Variants in SORCS1 observed in about 807,000 individuals in gnomAD.
SORCS1 encodes VPS10 domain-containing receptor SorCS1.
In SORCS1, 60 loss-of-function variants were observed where a neutral mutation model predicts 146.1. That is an observed-to-expected ratio of 0.41 (90% CI 0.33 to 0.51). SORCS1 has a LOEUF of 0.51. SORCS1 is among the 20% of genes least tolerant of loss of function. SORCS1 has a pLI of 0.21. For missense variants in SORCS1, 1,352 were observed against 1,487.6 expected (o/e 0.91, Z 1.50); for synonymous variants, 637 against 584.0 (o/e 1.09, Z -1.31).
chr10:106,614,302 C>A (rs184097691), intron 21 of SORCS1, among the ~76,000 whole-genome samples: 41 of 152,242 alleles, frequency 2.7e-4, no homozygotes, highest in East Asian at 5.8e-4. Flanking sequence ...AGGGTCCAAG[C>A]GACATTGGGG....
At chr10:106,718,042 G>A (rs1017195468) in intron 6 of SORCS1, among the ~76,000 whole-genome samples, 8 of 152,172 alleles carry the variant, frequency 5.3e-5, no homozygotes, top group Non-Finnish European at 1.2e-4. Flanking sequence ...CTTTCGTCAG[G>A]GATGGGGACA....
At chr10:106,711,107 G>A (rs899747068) in intron 6 of SORCS1, among the ~76,000 whole-genome samples, 1 of 151,898 alleles carries the variant, frequency 6.6e-6, no homozygotes, top group East Asian at 1.9e-4. Flanking sequence ...TTTTGTTTTT[G>A]TTGTTGTTGC....
At chr10:106,605,620 C>T (rs1226949594) in intron 23 of SORCS1, among the ~76,000 whole-genome samples, 1 of 152,122 alleles carries the variant, frequency 6.6e-6, no homozygotes, top group East Asian at 1.9e-4. Context: ...TTCTTTCTCC[C>T]ACCAAAATGC....
intron 3 of SORCS1, among the ~76,000 whole-genome samples, chr10:106,814,229 A>C (rs921302475): frequency 6.6e-6 from 1 of 152,238 alleles, no homozygotes; most frequent in Non-Finnish European, 1.5e-5. Context: ...TACATAAGGC[A>C]ACTTAAAAAT....
chr10:106,726,520 A>G (rs1056077556), intron 6 of SORCS1, among the ~76,000 whole-genome samples: 2 of 152,116 alleles, frequency 1.3e-5, no homozygotes, highest in Non-Finnish European at 2.9e-5. Context: ...GAAAATGTGC[A>G]GATCACAGAG....
intron 23 of SORCS1, among the ~76,000 whole-genome samples, chr10:106,601,439 T>G (rs1217773255): frequency 6.6e-6 from 1 of 152,208 alleles, no homozygotes; most frequent in East Asian, 1.9e-4. Flanking sequence ...TGCCTATTAT[T>G]CAAGTGCAAC....
intron 6 of SORCS1, among the ~76,000 whole-genome samples, chr10:106,724,696 A>G (rs1856024343): frequency 6.6e-6 from 1 of 152,226 alleles, no homozygotes; most frequent in Non-Finnish European, 1.5e-5. Flanking sequence ...TAAATTTTGA[A>G]TAACAAACCC....
At chr10:106,727,282 A>G (rs1856270529) in intron 6 of SORCS1, among the ~76,000 whole-genome samples, 1 of 152,306 alleles carries the variant, frequency 6.6e-6, no homozygotes, top group East Asian at 1.9e-4. Flanking sequence ...CGGGTATGCC[A>G]TCATTCAACA....
At chr10:106,813,107 T>G (rs988941328) in intron 3 of SORCS1, among the ~76,000 whole-genome samples, 5 of 151,066 alleles carry the variant, frequency 3.3e-5, no homozygotes, top group Non-Finnish European at 7.4e-5. Flanking sequence ...CGCATTTCTT[T>G]GTTTCTTTTT....
chr10:106,850,958 A>T (rs1405305534), intron 2 of SORCS1, among the ~76,000 whole-genome samples: 1 of 152,136 alleles, frequency 6.6e-6, no homozygotes, highest in African/African-American at 2.4e-5. Context: ...ACTTGGAGTC[A>T]TTTTTGTTCC....
chr10:106,658,102 CA>C (rs530567617), intron 17 of SORCS1, among the ~76,000 whole-genome samples: 150 of 152,156 alleles, frequency 9.9e-4, no homozygotes, highest in African/African-American at 3.2e-3. Context: ...TTCTTAAAAT[CA>C]TTCAAAATTT....
At chr10:107,088,074 A>G (rs991772288) in intron 1 of SORCS1, among the ~76,000 whole-genome samples, 4 of 150,770 alleles carry the variant, frequency 2.7e-5, no homozygotes, top group Non-Finnish European at 5.9e-5. Flanking sequence ...ACCCACCACC[A>G]CGCCTGGCTA....
intron 2 of SORCS1, among the ~76,000 whole-genome samples, chr10:106,948,211 A>G (rs1175001125): frequency 4.6e-5 from 7 of 152,220 alleles, no homozygotes; most frequent in Admixed American, 6.5e-5. Context: ...TGAAGAGAAA[A>G]AAAACAATAA....
At chr10:107,097,951 C>T (rs979899864) in intron 1 of SORCS1, among the ~76,000 whole-genome samples, 4 of 152,120 alleles carry the variant, frequency 2.6e-5, no homozygotes, top group African/African-American at 4.8e-5. Flanking sequence ...GAAAAAAATG[C>T]CCATTTTATG....
chr10:106,728,451 C>G (rs1241327638), intron 6 of SORCS1, among the ~76,000 whole-genome samples: 2 of 152,172 alleles, frequency 1.3e-5, no homozygotes, highest in African/African-American at 2.4e-5. Context: ...CATTCTGTGT[C>G]AGGCACAGTG....
chr10:106,814,787 C>T (rs963975834), intron 3 of SORCS1, among the ~76,000 whole-genome samples: 1 of 151,500 alleles, frequency 6.6e-6, no homozygotes, highest in Admixed American at 6.6e-5. Flanking sequence ...TGGTGGTGGG[C>T]GCCTGTAGTC....
At chr10:106,968,167 G>T (rs962241521) in intron 1 of SORCS1, among the ~76,000 whole-genome samples, 3 of 151,952 alleles carry the variant, frequency 2.0e-5, no homozygotes, top group African/African-American at 7.2e-5. Context: ...CCGAGATCGC[G>T]CCACTGCACT....
intron 2 of SORCS1, among the ~76,000 whole-genome samples, chr10:106,930,259 G>A (rs1393265841): frequency 6.6e-6 from 1 of 151,926 alleles, no homozygotes; most frequent in Non-Finnish European, 1.5e-5. Context: ...CCCAGCCTGG[G>A]CGACAGAGCG....
At chr10:107,086,488 T>G (rs1590103540) in intron 1 of SORCS1, among the ~76,000 whole-genome samples, 1 of 152,368 alleles carries the variant, frequency 6.6e-6, no homozygotes, top group East Asian at 1.9e-4. Flanking sequence ...TAATATGGCA[T>G]GTTGGAAAGA....
Sources: gnomAD v4.1 joint callset for allele counts (sites outside exome capture counted in the v4.1 genomes callset) on GRCh38, gnomAD v4.1.1 for gene constraint, MANE v1.5 for transcripts, NCBI Gene and HGNC (gene_info 2026-07-23, HGNC 2026-07-21) for gene names.